The following SOX30 variants were observed in gnomAD, a reference collection of about 807,000 sequenced individuals.
SOX30 encodes the protein transcription factor SOX-30.
SOX30 carries 17 observed loss-of-function variants against 58.6 expected under a neutral mutation model. The ratio of observed to expected loss-of-function variants is 0.29; its 90% confidence interval spans 0.20 to 0.44. The LOEUF (loss-of-function observed/expected upper bound fraction) is 0.44. Ranked by LOEUF, SOX30 falls within the 20% of genes least tolerant of loss-of-function variation. SOX30 has a pLI of 1.00. For synonymous variants in SOX30, 421 were observed against 400.2 expected, an observed-to-expected ratio of 1.05 and a Z score of -0.62; for missense variants, 951 against 965.8, an observed-to-expected ratio of 0.98 and a Z score of 0.20.
intron 4 of SOX30, among the ~76,000 whole-genome samples, chr5:157,636,975 C>A (rs1444842166): frequency 2.0e-5 from 3 of 151,300 alleles, no homozygotes; most frequent in Non-Finnish European, 3.0e-5. Flanking sequence ...TAAAAACACA[C>A]AAAAAAAATT....
At chr5:157,632,936 A>G (rs147030473) in intron 4 of SOX30, among the ~76,000 whole-genome samples, 1 of 152,090 alleles carries the variant, frequency 6.6e-6, no homozygotes, top group Non-Finnish European at 1.5e-5. Flanking sequence ...TAAAAATACA[A>G]AAATTAGCCA....
At chr5:157,667,805 G>C (rs919461297) in exon 2 of SOX30, 2 of 1,535,010 alleles carry the variant, frequency 1.3e-6, no homozygotes, top group African/African-American at 2.7e-5. Flanking sequence ...AACCTTGCTG[G>C]ATGCACAGTA....
chr5:157,669,627 G>A (rs1374747800), intron 1 of SOX30, among the ~76,000 whole-genome samples: 1 of 151,598 alleles, frequency 6.6e-6, no homozygotes, highest in South Asian at 2.1e-4. Flanking sequence ...ACTGATTCTC[G>A]TGCCTCAGCC....
chr5:157,626,267 T>C lies in SOX30; in HGVS notation c.*73A>G. On this transcript the variant is annotated 3_prime_UTR_variant, in exon 5 of 5. Transcript: ENST00000265007. ...CTTTCAACAAAGAATTCTAGGCTTT[T>C]TTTTTTCTCATACCAACTGACCCAG... is the stretch of plus-strand genomic sequence containing the variant. 7.5e-7 allele frequency: 1 copy of C among 1,334,794 alleles called. No individual in the cohort carries two copies. Among genetic ancestry groups the C allele is most frequent in the Non-Finnish European group, 1.0e-6 (1 of 994,014 alleles). 82.7% of individuals were successfully genotyped at this position (1,334,794 alleles called of 1,614,324 possible).
Position 157,638,311 on chromosome 5 carries a change from G to A in SOX30, c.1799C>T (p.Pro600Leu), listed in dbSNP as rs747775823. Reference protein sequence around the residue: ...HVYQPPPLGHPATLFGTPPRF... With the variant: ...HVYQPPPLGHLATLFGTPPRF... ...TGGTGGTGTCCCGAACAGTGTGGCTGGATGGCCAAGGGGAGGGGGCTGGTA... is the reference window on the plus strand; with the variant it reads ...TGGTGGTGTCCCGAACAGTGTGGCTAGATGGCCAAGGGGAGGGGGCTGGTA... Residue 600 changes from proline to leucine, a missense_variant, in exon 4 of 5, where the codon CCA becomes CTA. By Grantham distance (98) the Pro-to-Leu change is moderately conservative. Around this residue, in one of 7 missense-constraint regions of SOX30, gnomAD observed 381 missense variants for 390.0 expected, o/e 0.98. Transcript: ENST00000265007. 3.7e-6 allele frequency: 6 copies of A among 1,608,592 alleles called. No homozygotes were observed. The highest frequency in any genetic ancestry group is 2.2e-5 in the East Asian group (1 of 44,858).
chr5:157,656,965 G>T (rs1425220433), upstream of SOX30, among the ~76,000 whole-genome samples: 3 of 152,260 alleles, frequency 2.0e-5, no homozygotes, highest in Admixed American at 1.3e-4. Flanking sequence ...GCTATGATTT[G>T]CTCTTTAACA....
chr5:157,633,643 C>T (rs1039555193), intron 4 of SOX30, among the ~76,000 whole-genome samples: 6 of 152,168 alleles, frequency 3.9e-5, no homozygotes, highest in African/African-American at 1.4e-4. Flanking sequence ...TCCATAACTT[C>T]AATCAAATTC....
chr5:157,655,009 T>C (rs558305621), upstream of SOX30, among the ~76,000 whole-genome samples: 70 of 152,340 alleles, frequency 4.6e-4, no homozygotes, highest in South Asian at 8.3e-3. Flanking sequence ...CACTTTACTT[T>C]ATGGACTCGC....
At chr5:157,631,057 A>G (rs1217695829) in intron 4 of SOX30, among the ~76,000 whole-genome samples, 2 of 48,560 alleles carry the variant, frequency 4.1e-5, no homozygotes, top group East Asian at 2.5e-3. Flanking sequence ...TTATATATAT[A>G]TATATATATA....
rs1759320668 is a variant in SOX30, at chr5:157,651,157, T to C, written c.922A>G (p.Ile308Val). 1.3e-6 allele frequency: 2 copies of C among 1,578,662 alleles called. No individual in the cohort carries two copies. The highest frequency in any genetic ancestry group is 1.4e-5 in the African/African-American group (1 of 73,406). The stretch of plus-strand genomic sequence containing the variant: ...GTGAGCGGGACATCTTTGGTTTCAA[T>C]TTTTACAGAAGGCTCCAGTAGGGAC... Reference protein sequence around the residue: ...MQSLLEPSVKIETKDVPLTVL... With the variant: ...MQSLLEPSVKVETKDVPLTVL... Residue 308 changes from isoleucine (I) to valine (V), a missense_variant, in exon 1 of 5, where the codon ATT becomes GTT. Physicochemically the swap from Ile to Val is conservative, Grantham distance 29 (BLOSUM62 3). Transcript: ENST00000265007.
rs1045019999 is a variant in SOX30 at position 157,667,638 on chromosome 5, C to T, written c.52+160G>A. ...AATCCCAGCTACTTTACTCTGGAGGCTGAGGCAGGAGAACCACTTGAACCC... is the reference window on the plus strand; with the variant it reads ...AATCCCAGCTACTTTACTCTGGAGGTTGAGGCAGGAGAACCACTTGAACCC... On this transcript the variant is annotated intron_variant, in intron 2 of 5. Coordinates refer to the SOX30 transcript ENST00000519442. Among the ~76,000 whole-genome samples the T allele has an allele frequency of 5.3e-5, 8 of 152,242 alleles. No homozygotes were observed. In the East Asian group the frequency reaches 1.5e-3, roughly 29 times the overall value.
chr5:157,638,331 C>CCAA lies in SOX30; in HGVS notation c.1778_1779insTTG (p.Gln593delinsHisTrp). 1.2e-6 allele frequency: 2 copies of CCAA among 1,611,876 alleles called. No individual in the cohort carries two copies. Among genetic ancestry groups the CCAA allele is most frequent in the Non-Finnish European group, 1.7e-6 (2 of 1,178,898 alleles). ...TGGCTGGATGGCCAAGGGGAGGGGG[C>CCAA]TGGTAGACATGTGGGTGTGGAATGG... is the stretch of plus-strand genomic sequence containing the variant. On this transcript the variant is annotated protein_altering_variant, in exon 4 of 5. Coordinates refer to ENST00000265007, the MANE Select transcript of SOX30 (RefSeq NM_178424.2).
intron 1 of SOX30, chr5:157,668,002 G>C: frequency 1.2e-6 from 1 of 859,094 alleles, no homozygotes; most frequent in Non-Finnish European, 1.8e-6. Context: ...AGAGGTGGAG[G>C]AACTTAATGT....
intron 1 of SOX30, among the ~76,000 whole-genome samples, chr5:157,650,221 G>C (rs1297625240): frequency 1.3e-5 from 2 of 151,776 alleles, no homozygotes; most frequent in African/African-American, 4.8e-5. Context: ...GTAGTATAAA[G>C]AAAGCTTTCC....
intron 4 of SOX30, among the ~76,000 whole-genome samples, chr5:157,630,879 AATAT>A (rs1758774718): frequency 7.4e-6 from 1 of 134,848 alleles, no homozygotes; most frequent in Non-Finnish European, 1.5e-5. Context: ...ATATATATAC[AATAT>A]ATATAATTTT....
chr5:157,667,855 G>C, intron 1 of SOX30: 2 of 1,535,310 alleles, frequency 1.3e-6, no homozygotes, highest in Non-Finnish European at 8.7e-7. Flanking sequence ...TCCATGACCT[G>C]GAACAAAAAG....
At chr5:157,651,023 T>C in intron 1 of SOX30, 89 bp downstream of exon 1, 3 of 981,248 alleles carry the variant, frequency 3.1e-6, no homozygotes, top group South Asian at 1.6e-5. Context: ...TACTTTACTT[T>C]TGTAGTTTAG....
chr5:157,629,605 G>A (rs1298128764), intron 4 of SOX30, among the ~76,000 whole-genome samples: 3 of 151,976 alleles, frequency 2.0e-5, no homozygotes, highest in Non-Finnish European at 4.4e-5. Flanking sequence ...TGGTGTAGGG[G>A]GAAAAACATT....
chr5:157,651,160 T>C lies in SOX30; in HGVS notation c.919A>G (p.Lys307Glu), dbSNP rs1759320732. Residue 307 changes from lysine to glutamate, a missense_variant, in exon 1 of 5, where the codon AAA becomes GAA. By Grantham distance (56) the Lys-to-Glu change is moderately conservative. Coordinates refer to ENST00000265007, the MANE Select transcript of SOX30 (RefSeq NM_178424.2). Reference protein sequence around the residue: ...KMQSLLEPSVKIETKDVPLTV... With the variant: ...KMQSLLEPSVEIETKDVPLTV... ...AGCGGGACATCTTTGGTTTCAATTTTTACAGAAGGCTCCAGTAGGGACTGC... is the reference window on the plus strand; with the variant it reads ...AGCGGGACATCTTTGGTTTCAATTTCTACAGAAGGCTCCAGTAGGGACTGC... 6.3e-7 allele frequency: 1 copy of C among 1,581,348 alleles called. No homozygotes were observed. The highest frequency in any genetic ancestry group is 8.6e-7 in the Non-Finnish European group (1 of 1,163,410).
Sources: allele counts gnomAD v4.1 joint callset (sites outside exome capture counted in the v4.1 genomes callset), GRCh38; gene constraint gnomAD v4.1.1; regional missense constraint gnomAD v4.1.1; transcripts MANE v1.5; gene names NCBI Gene and HGNC (gene_info 2026-07-23, HGNC 2026-07-21).